The following CCBE1 variants were observed in gnomAD, a reference collection of about 807,000 sequenced individuals.
CCBE1 encodes the protein collagen and calcium binding EGF domains 1.
In CCBE1, 37 loss-of-function variants were observed where a neutral mutation model predicts 50.0. That is an observed-to-expected ratio of 0.74 (90% CI 0.57 to 0.97). The LOEUF is 0.97. Ranked by LOEUF, CCBE1 falls within the 50% of genes least tolerant of loss-of-function variation. The pLI, the probability that CCBE1 is intolerant of heterozygous loss-of-function variation, is 0.00. For missense variants in CCBE1, 538 were observed against 523.8 expected, an observed-to-expected ratio of 1.03 and a Z score of -0.26; for synonymous variants, 234 against 203.7, an observed-to-expected ratio of 1.15 and a Z score of -1.27.
At chr18:59,534,287 A>T (rs886449269) in intron 2 of CCBE1, among the ~76,000 whole-genome samples, 2 of 152,248 alleles carry the variant, frequency 1.3e-5, no homozygotes, top group African/African-American at 2.4e-5. Context: ...TAAAAGTTGA[A>T]AATCAAAGTA....
chr18:59,590,329 T>C (rs1405025487), intron 2 of CCBE1, among the ~76,000 whole-genome samples: 3 of 152,034 alleles, frequency 2.0e-5, no homozygotes, highest in Non-Finnish European at 2.9e-5. Context: ...GCTTAAGAAA[T>C]TTGAAAAACA....
At chr18:59,475,862 G>T (rs1363632367) in intron 3 of CCBE1, among the ~76,000 whole-genome samples, 1 of 152,154 alleles carries the variant, frequency 6.6e-6, no homozygotes, top group Non-Finnish European at 1.5e-5. Context: ...GGAATTACAG[G>T]TGCCAGACAC....
intron 2 of CCBE1, among the ~76,000 whole-genome samples, chr18:59,524,456 T>G (rs899395434): frequency 6.6e-6 from 1 of 152,252 alleles, no homozygotes; most frequent in Admixed American, 6.5e-5. Flanking sequence ...TTTCTTGTAA[T>G]AAACCTTTGC....
At chr18:59,532,525 C>T (rs1915093063) in intron 2 of CCBE1, among the ~76,000 whole-genome samples, 1 of 152,220 alleles carries the variant, frequency 6.6e-6, no homozygotes, top group African/African-American at 2.4e-5. Flanking sequence ...GCTTTGAAGA[C>T]TAGCTTGGGC....
intron 2 of CCBE1, among the ~76,000 whole-genome samples, chr18:59,499,064 A>G (rs2143830216): frequency 6.6e-6 from 1 of 152,320 alleles, no homozygotes; most frequent in Non-Finnish European, 1.5e-5. Context: ...TTTCAGTGTC[A>G]TTTACTCATA....
intron 2 of CCBE1, among the ~76,000 whole-genome samples, chr18:59,621,589 T>A (rs1599071890): frequency 2.0e-5 from 3 of 152,132 alleles, no homozygotes; most frequent in African/African-American, 7.2e-5. Context: ...CCCAGAACAA[T>A]CCTTCAAGTA....
chr18:59,555,893 C>A (rs888558201), intron 2 of CCBE1, among the ~76,000 whole-genome samples: 2 of 152,248 alleles, frequency 1.3e-5, no homozygotes, highest in African/African-American at 4.8e-5. Flanking sequence ...TGAAGTCTCA[C>A]CTTGGCACTA....
intron 2 of CCBE1, among the ~76,000 whole-genome samples, chr18:59,640,836 T>C (rs2053978315): frequency 6.6e-6 from 1 of 152,042 alleles, no homozygotes; most frequent in South Asian, 2.1e-4. Context: ...AGGACATGAA[T>C]GGACACTTTT....
chr18:59,636,389 G>T (rs965405936), intron 2 of CCBE1, among the ~76,000 whole-genome samples: 2 of 152,214 alleles, frequency 1.3e-5, no homozygotes, highest in African/African-American at 4.8e-5. Flanking sequence ...ATAGGTCTAT[G>T]TGAAATGCAC....
intron 2 of CCBE1, among the ~76,000 whole-genome samples, chr18:59,690,414 AT>A (rs1879111999): frequency 6.6e-6 from 1 of 152,204 alleles, no homozygotes; most frequent in Non-Finnish European, 1.5e-5. Flanking sequence ...ATACTCAACA[AT>A]GCCTTAAATG....
chr18:59,604,086 G>T (rs1261229847), intron 2 of CCBE1, among the ~76,000 whole-genome samples: 2 of 152,178 alleles, frequency 1.3e-5, no homozygotes, highest in African/African-American at 4.8e-5. Context: ...CTCCTCTTAT[G>T]CAGGCAAATA....
At chr18:59,458,128 CCA>C (rs1911283387) in intron 5 of CCBE1, among the ~76,000 whole-genome samples, 1 of 150,088 alleles carries the variant, frequency 6.7e-6, no homozygotes, top group Non-Finnish European at 1.5e-5. Context: ...ATCAATCCAT[CCA>C]TCCATCCATC....
chr18:59,695,931 C>A (rs1314017225), intron 2 of CCBE1, among the ~76,000 whole-genome samples: 1 of 151,982 alleles, frequency 6.6e-6, no homozygotes, highest in Non-Finnish European at 1.5e-5. Context: ...TAAATCAACC[C>A]TCATCTCCAA....
intron 6 of CCBE1, among the ~76,000 whole-genome samples, chr18:59,449,243 C>A (rs1262536175): frequency 2.0e-5 from 3 of 152,148 alleles, no homozygotes; most frequent in Admixed American, 6.5e-5. Flanking sequence ...TAACGGCCAC[C>A]TAGAGGCACT....
At chr18:59,595,816 A>T (rs2851843) in intron 2 of CCBE1, among the ~76,000 whole-genome samples, 12,687 of 152,260 alleles carry the variant, frequency 0.083, 566 homozygotes, top group East Asian at 0.13. Flanking sequence ...TTTTAATACC[A>T]GGATGAGGGA....
At chr18:59,655,431 G>A (rs1016646110) in intron 2 of CCBE1, among the ~76,000 whole-genome samples, 2 of 152,116 alleles carry the variant, frequency 1.3e-5, no homozygotes, top group Non-Finnish European at 2.9e-5. Flanking sequence ...AGTGTCATGA[G>A]GAGATGAGGG....
chr18:59,525,852 T>A (rs1914798016), intron 2 of CCBE1, among the ~76,000 whole-genome samples: 3 of 152,166 alleles, frequency 2.0e-5, no homozygotes, highest in Admixed American at 2.0e-4. Context: ...ATAGGGAATC[T>A]TTTCCCCATT....
intron 2 of CCBE1, among the ~76,000 whole-genome samples, chr18:59,526,458 C>T (rs563550606): frequency 5.5e-4 from 84 of 151,870 alleles, no homozygotes; most frequent in African/African-American, 1.9e-3. Context: ...TACAGGCACC[C>T]ACCACTATGC....
chr18:59,524,282 T>A (rs1914725953), intron 2 of CCBE1, among the ~76,000 whole-genome samples: 2 of 152,188 alleles, frequency 1.3e-5, no homozygotes, highest in Admixed American at 1.3e-4. Context: ...ATTGCGCCAC[T>A]GCACTACAGC....
Sources: allele counts gnomAD v4.1 joint callset (sites outside exome capture counted in the v4.1 genomes callset), GRCh38; gene constraint gnomAD v4.1.1; transcripts MANE v1.5; gene names NCBI Gene and HGNC (gene_info 2026-07-23, HGNC 2026-07-21).